HOXB4: variants seen among roughly 807,000 people sequenced by gnomAD.
The protein encoded by HOXB4 is homeobox protein Hox-B4.
A neutral mutation model predicts 20.0 loss-of-function variants in HOXB4; 13 were observed. That is an observed-to-expected ratio of 0.65 (90% CI 0.42 to 1.03). HOXB4 has a LOEUF of 1.03. Among genes scored for constraint, HOXB4 ranks in the 50% least tolerant of loss-of-function variants. The probability of loss-of-function intolerance (pLI) is 0.00; values close to 1 mark genes in which losing one functional copy is unlikely to be tolerated. For synonymous variants in HOXB4, 173 were observed against 148.9 expected (o/e 1.16, Z -1.18); for missense variants, 343 against 357.1 (o/e 0.96, Z 0.32).
rs2069780210 is a variant in HOXB4 at position 48,576,812 on chromosome 17, CT to C, written c.665del (p.Lys222SerfsTer47). ...CCGAGCGGATCTTGGTGTTGGGCAA[CT>C]TGTGGTCTTTTTTCCACTTCATGCG... ...NRRMKWKKDH[K>X]LPNTKIRSGG... is the part of the protein sequence containing the mutation. On this transcript the variant is annotated frameshift_variant, in exon 2 of 2. Coordinates refer to ENST00000332503, the MANE Select transcript of HOXB4 (RefSeq NM_024015.5). LOFTEE classifies it high-confidence loss of function. 6.2e-7 allele frequency: 1 copy of C among 1,614,132 alleles called. No homozygotes were observed. Among genetic ancestry groups the C allele is most frequent in the African/African-American group, 1.3e-5 (1 of 74,958 alleles).
Position 48,577,893 on chromosome 17 carries a change from G to A in HOXB4, c.427C>T (p.Pro143Ser). Residue 143 changes from proline (P) to serine (S), a missense_variant, in exon 1 of 2, where the codon CCC (proline) becomes TCC (serine). Physicochemically the swap from Pro to Ser is moderately conservative, Grantham distance 74. Coordinates refer to ENST00000332503, the MANE Select transcript of HOXB4 (RefSeq NM_024015.5). ...CTCACGTGAACTTTGCGCATCCAGG[G>A]GTAGACGACGGGCTCTTTGCACGCG... is the stretch of plus-strand genomic sequence containing the variant. ...HSACKEPVVY[P>S]WMRKVHVSTV... is the part of the protein sequence containing the mutation. 1 of 1,384,722 alleles carries A rather than the reference G, an allele frequency of 7.2e-7. No individual in the cohort carries two copies. Among genetic ancestry groups the A allele is most frequent in the South Asian group, 2.0e-5 (1 of 49,188 alleles). The allele number at this position is 1,384,722 out of a possible 1,614,324, so 85.8% of individuals were successfully genotyped here.
rs772689748 is a variant in HOXB4, at chr17:48,576,971, G to A, written c.507C>T (p.Tyr169=). Residue 169 remains tyrosine, a synonymous_variant, in exon 2 of 2, where the codon TAC becomes TAT. Transcript: ENST00000332503. ...CCAGCTCCAAGACCTGCTGGCGCGTGTAGGCGGTCCGAGAGCGCTTGGGCT... is the reference window on the plus strand; with the variant it reads ...CCAGCTCCAAGACCTGCTGGCGCGTATAGGCGGTCCGAGAGCGCTTGGGCT... The part of the protein sequence containing the change: ...GGEPKRSRTA[Y]TRQQVLELEK... 2.5e-6 allele frequency: 4 copies of A among 1,613,400 alleles called. No individual in the cohort carries two copies. Among genetic ancestry groups the A allele is most frequent in the South Asian group, 2.2e-5 (2 of 91,066 alleles).
rs752483339 is a variant in HOXB4, at chr17:48,576,776, T to A, written c.702A>T (p.Ala234=). The change falls in exon 2 of 2, where the codon GCA becomes GCT. Residue 234 remains alanine (A), a synonymous_variant. Transcript: ENST00000332503. ...GGCCAGGGGGCCCTCCGGCTGAGCC[T>A]GCCGCACCACCCGAGCGGATCTTGG... ...PNTKIRSGGA[A]GSAGGPPGRP... is the part of the protein sequence containing the mutation. 24 of 1,613,838 alleles carry A rather than the reference T, an allele frequency of 1.5e-5. No homozygotes were observed. The South Asian group carries it at 2.5e-4, about 17-fold the overall frequency.
At position 48,576,649 on chromosome 17, in the gene HOXB4, G is replaced by GGGCCCC; in HGVS notation, c.*72_*73insGGGGCC. Reference sequence around the variant, plus strand: ...GGCCCAGGCCCCAGGGCCCCCTCCTGTCCCCCCACCCCATCCCCTGCACTC... The same window carrying GGGCCCC: ...GGCCCAGGCCCCAGGGCCCCCTCCTGGGCCCCTCCCCCCACCCCATCCCCTGCACTC... On this transcript the variant is annotated 3_prime_UTR_variant, in exon 2 of 2. Coordinates refer to ENST00000332503, the MANE Select transcript of HOXB4 (RefSeq NM_024015.5). 2.6e-6 allele frequency: 2 copies of GGGCCCC among 774,816 alleles called. No homozygotes were observed. Among genetic ancestry groups the GGGCCCC allele is most frequent in the African/African-American group, 1.9e-5 (1 of 53,180 alleles). The allele number at this position is 774,816 out of a possible 1,614,324, so 48.0% of individuals were successfully genotyped here.
rs2069820833 is a variant in HOXB4, at chr17:48,577,951, G to A, written c.369C>T (p.Ala123=). ...VSSSPPPPPC[A]QNPLHPSPSH... is the part of the protein sequence containing the mutation. The stretch of plus-strand genomic sequence containing the variant: ...ACGGGCTGGGGTGCAGGGGGTTCTG[G>A]GCGCAGGGAGGCGGCGGGGGGCTGC... Residue 123 remains alanine (A), a synonymous_variant, in exon 1 of 2, where the codon GCC becomes GCT. Coordinates refer to ENST00000332503, the MANE Select transcript of HOXB4 (RefSeq NM_024015.5). 1 of 1,322,346 alleles carries A rather than the reference G, an allele frequency of 7.6e-7. No homozygotes were observed. Among genetic ancestry groups the A allele is most frequent in the Non-Finnish European group, 9.7e-7 (1 of 1,030,240 alleles). The allele number at this position is 1,322,346 out of a possible 1,614,324, so 81.9% of individuals were successfully genotyped here. A position where few individuals can be genotyped will look rare whatever the true frequency, so the allele number is the denominator to read the frequency against.
chr17:48,577,454 C>G (rs867471304), intron 1 of HOXB4, among the ~76,000 whole-genome samples: 1 of 152,180 alleles, frequency 6.6e-6, no homozygotes, highest in Non-Finnish European at 1.5e-5. Flanking sequence ...ACTTCTCCAG[C>G]CAAGGAGTCA....
chr17:48,576,650 T>TTCCCCCCCCCCCA lies in HOXB4; in HGVS notation c.*71_*72insTGGGGGGGGGGGA. 1 of 567,770 alleles carries TTCCCCCCCCCCCA rather than the reference T, an allele frequency of 1.8e-6. No individual in the cohort carries two copies. The highest frequency in any genetic ancestry group is 2.9e-5 in the South Asian group (1 of 34,782). 35.2% of individuals were successfully genotyped at this position (567,770 alleles called of 1,614,324 possible). On this transcript the variant is annotated 3_prime_UTR_variant, in exon 2 of 2. Transcript: ENST00000332503. ...GCCCAGGCCCCAGGGCCCCCTCCTG[T>TTCCCCCCCCCCCA]CCCCCCACCCCATCCCCTGCACTCA...
At position 48,576,820 on chromosome 17, in the gene HOXB4, C is replaced by CT; in HGVS notation, c.657dup (p.Asp220ArgfsTer81). The CT allele has an allele frequency of 3.1e-6, 5 of 1,614,238 alleles. No homozygotes were observed. The highest frequency in any genetic ancestry group is 4.2e-6 in the Non-Finnish European group (5 of 1,180,042). On this transcript the variant is annotated frameshift_variant, in exon 2 of 2. Coordinates refer to ENST00000332503, the MANE Select transcript of HOXB4 (RefSeq NM_024015.5). LOFTEE classifies it high-confidence loss of function. ...ATCTTGGTGTTGGGCAACTTGTGGT[C>CT]TTTTTTCCACTTCATGCGCCGGTTC...
chr17:48,577,265 T>C (rs1408640878), intron 1 of HOXB4, among the ~76,000 whole-genome samples: 1 of 152,020 alleles, frequency 6.6e-6, no homozygotes, highest in Admixed American at 6.6e-5. Context: ...GGGGGGCGTG[T>C]GAGGACTCCC....
Position 48,576,670 on chromosome 17 carries a change from C to G in HOXB4, c.*52G>C. 1 of 935,394 alleles carries G rather than the reference C, an allele frequency of 1.1e-6. No homozygotes were observed. Among genetic ancestry groups the G allele is most frequent in the Non-Finnish European group, 1.5e-6 (1 of 649,322 alleles). 57.9% of individuals were successfully genotyped at this position (935,394 alleles called of 1,614,324 possible). A position where few individuals can be genotyped will look rare whatever the true frequency, so the allele number is the denominator to read the frequency against. ...TCCTGTCCCCCCACCCCATCCCCTG[C>G]ACTCACTGCCCACCCCCACCCCGAG... is the stretch of plus-strand genomic sequence containing the variant. On this transcript the variant is annotated 3_prime_UTR_variant, in exon 2 of 2. Coordinates refer to ENST00000332503, the MANE Select transcript of HOXB4 (RefSeq NM_024015.5).
Position 48,578,071 on chromosome 17 carries a change from G to T in HOXB4, c.249C>A (p.Pro83=). The T allele has an allele frequency of 9.3e-7, 1 of 1,075,704 alleles. No individual in the cohort carries two copies. The highest frequency in any genetic ancestry group is 1.2e-6 in the Non-Finnish European group (1 of 838,670). The allele number at this position is 1,075,704 out of a possible 1,614,324, so 66.6% of individuals were successfully genotyped here. A position where few individuals can be genotyped will look rare whatever the true frequency, so the allele number is the denominator to read the frequency against. The change falls in exon 1 of 2, where the codon CCC becomes CCA. Residue 83 remains proline, a synonymous_variant. Transcript: ENST00000332503. ...GAGGGGACAGACCGGGCGGTGGCGG[G>T]GGCGGCGGGGGTGGTGGCGGAGGCG... The part of the protein sequence containing the change: ...PPPPPPPPPP[P]PPPPGLSPRA...
chr17:48,577,168 G>C, intron 1 of HOXB4, 148 bp from the exon 2 acceptor site: 1 of 800,664 alleles, frequency 1.2e-6, no homozygotes, highest in Non-Finnish European at 1.9e-6. Flanking sequence ...AAACGAAAAG[G>C]GAAGAATGCA....
chr17:48,575,943 GTCTC>G lies in HOXB4; in HGVS notation c.*775_*778del, dbSNP rs1305297677. On this transcript the variant is annotated 3_prime_UTR_variant, in exon 2 of 2. Coordinates refer to ENST00000332503, the MANE Select transcript of HOXB4 (RefSeq NM_024015.5). Reference sequence around the variant, plus strand: ...GAGGAAGGCCCTCCCGGGTCTCTGAGTCTCTCTTTTTCCTTGGACTCAATTTTCC... The same window carrying G: ...GAGGAAGGCCCTCCCGGGTCTCTGAGTCTTTTTCCTTGGACTCAATTTTCC... 1 of 152,294 alleles carries G rather than the reference GTCTC, an allele frequency of 6.6e-6. No individual in the cohort carries two copies. Among genetic ancestry groups the G allele is most frequent in the African/African-American group, 2.4e-5 (1 of 41,422 alleles). The allele number at this position is 152,294 out of a possible 1,614,324, so 9.4% of individuals were successfully genotyped here.
rs1567962894 is a variant in HOXB4, at chr17:48,576,425, TTC to T, written c.*295_*296del. Reference sequence around the variant, plus strand: ...AGCTGCAGCCTCCTCCTATTTCTCTTTCTGTCTTTTTCTTTCTTCCTTCTTCT... The same window carrying T: ...AGCTGCAGCCTCCTCCTATTTCTCTTTGTCTTTTTCTTTCTTCCTTCTTCT... On this transcript the variant is annotated 3_prime_UTR_variant, in exon 2 of 2. Transcript: ENST00000332503. The T allele has an allele frequency of 1.9e-5, 5 of 263,592 alleles. No homozygotes were observed. Among genetic ancestry groups the T allele is most frequent in the African/African-American group, 9.1e-5 (4 of 43,914 alleles). The allele number at this position is 263,592 out of a possible 1,614,324, so 16.3% of individuals were successfully genotyped here.
chr17:48,576,722 C>T lies in HOXB4; in HGVS notation c.756G>A (p.Ter252=). The change falls in exon 2 of 2, where the codon TAG becomes TAA. Residue 252 remains the stop codon, a stop_retained_variant. Transcript: ENST00000332503. ...TTCGTGGCTCCCGCGTGCGGGGGCACTAGAGCGCGCGGGGGCCTCCATTGG... is the reference window on the plus strand; with the variant it reads ...TTCGTGGCTCCCGCGTGCGGGGGCATTAGAGCGCGCGGGGGCCTCCATTGG... ...GRPNGGPRAL[*] The T allele has an allele frequency of 6.2e-7, 1 of 1,601,520 alleles. No homozygotes were observed. Among genetic ancestry groups the T allele is most frequent in the Non-Finnish European group, 8.5e-7 (1 of 1,173,452 alleles).
At chr17:48,577,793 C>T in intron 1 of HOXB4, 70 bp downstream of exon 1, 3 of 1,291,252 alleles carry the variant, frequency 2.3e-6, no homozygotes, top group East Asian at 5.7e-5. Flanking sequence ...CCCCCCCAAC[C>T]CATGCCTCCG....
chr17:48,578,221 G>C lies in HOXB4; in HGVS notation c.99C>G (p.His33Gln). 6.2e-7 allele frequency: 1 copy of C among 1,613,992 alleles called. No homozygotes were observed. Among genetic ancestry groups the C allele is most frequent in the Middle Eastern group, 1.7e-4 (1 of 6,060 alleles). Residue 33 changes from histidine to glutamine, a missense_variant, in exon 1 of 2, where the codon CAC becomes CAG. Transcript: ENST00000332503. ...GGCCGCCGGCGTAGTACCCGGGCGA[G>C]TGGTCGCTGGGTAGGTAATCGCTCT... Reference protein sequence around the residue: ...YSQSDYLPSDHSPGYYAGGQR... With the variant: ...YSQSDYLPSDQSPGYYAGGQR...
intron 1 of HOXB4, among the ~76,000 whole-genome samples, chr17:48,577,401 T>C (rs1480138843): frequency 1.3e-5 from 2 of 152,152 alleles, no homozygotes; most frequent in East Asian, 1.9e-4. Flanking sequence ...CCCTTGCTGC[T>C]CAGATTCCAA....
In HOXB4 at chr17:48,576,719, G is replaced by T. The variant is rs537257453; in HGVS notation, c.*3C>A. On this transcript the variant is annotated 3_prime_UTR_variant, in exon 2 of 2. Coordinates refer to ENST00000332503, the MANE Select transcript of HOXB4 (RefSeq NM_024015.5). ...AGGTTCGTGGCTCCCGCGTGCGGGG[G>T]CACTAGAGCGCGCGGGGGCCTCCAT... is the stretch of plus-strand genomic sequence containing the variant. 1.9e-6 allele frequency: 3 copies of T among 1,599,482 alleles called. No homozygotes were observed. Among genetic ancestry groups the T allele is most frequent in the African/African-American group, 1.3e-5 (1 of 74,648 alleles).
Sources: allele counts gnomAD v4.1 joint callset (sites outside exome capture counted in the v4.1 genomes callset), GRCh38; gene constraint gnomAD v4.1.1; transcripts MANE v1.5; gene names NCBI Gene and HGNC (gene_info 2026-07-23, HGNC 2026-07-21).